Variants in PHF2 observed in about 807,000 individuals in gnomAD.
PHF2 encodes the protein PHD finger protein 2, also known as lysine-specific demethylase PHF2.
PHF2 carries 27 observed loss-of-function variants against 120.5 expected under a neutral mutation model. The observed-to-expected ratio is 0.22, with a 90% confidence interval of 0.17 to 0.31. The LOEUF (loss-of-function observed/expected upper bound fraction) is 0.31. Ranked by LOEUF, PHF2 falls within the 10% of genes least tolerant of loss-of-function variation. The pLI is 1.00. For synonymous variants in PHF2, 568 were observed against 592.5 expected (o/e 0.96, Z 0.60); for missense variants, 1,024 against 1,434.8 (o/e 0.71, Z 4.63).
chr9:93,659,578 C>T lies in PHF2; in HGVS notation c.1307C>T (p.Ala436Val). ...CCTTCACAGCTAATCAAAGACCTGG[C>T]CAAAGAGATCCGGCTCAGTGAGGTG... is the stretch of plus-strand genomic sequence containing the variant. ...FKPSQLIKDL[A>V]KEIRLSENAS... Residue 436 changes from alanine (A) to valine (V), a missense_variant, in exon 11 of 22, where the codon GCC becomes GTC. Coordinates refer to ENST00000359246, the MANE Select transcript of PHF2 (RefSeq NM_005392.4). 1.9e-6 allele frequency: 3 copies of T among 1,614,042 alleles called. No individual in the cohort carries two copies. The highest frequency in any genetic ancestry group is 2.5e-6 in the Non-Finnish European group (3 of 1,179,982).
chr9:93,606,370 C>T (rs1825543162), intron 1 of PHF2, among the ~76,000 whole-genome samples: 1 of 152,202 alleles, frequency 6.6e-6, no homozygotes, highest in Admixed American at 6.5e-5. Context: ...GCTCTACATC[C>T]TTGTCAGCAT....
intron 5 of PHF2, among the ~76,000 whole-genome samples, chr9:93,651,165 G>A (rs1206865651): frequency 2.0e-5 from 3 of 151,520 alleles, no homozygotes; most frequent in Non-Finnish European, 4.4e-5. Context: ...AAGACTAAAA[G>A]GGAAATGGAG....
chr9:93,621,212 A>AC (rs1226256847), intron 1 of PHF2, among the ~76,000 whole-genome samples: 3 of 152,068 alleles, frequency 2.0e-5, no homozygotes, highest in South Asian at 2.1e-4. Flanking sequence ...CCCAGTGGTC[A>AC]CCCCCCACAA....
intron 1 of PHF2, among the ~76,000 whole-genome samples, chr9:93,585,549 T>A (rs1863024582): frequency 6.6e-6 from 1 of 152,242 alleles, no homozygotes; most frequent in Non-Finnish European, 1.5e-5. Flanking sequence ...CCCTTGTTCA[T>A]TCTTGTTCCT....
At chr9:93,585,786 C>G (rs548640029) in intron 1 of PHF2, among the ~76,000 whole-genome samples, 1 of 152,344 alleles carries the variant, frequency 6.6e-6, no homozygotes, top group South Asian at 2.1e-4. Context: ...TTTACCCTTC[C>G]CCTTATAAAA....
intron 17 of PHF2, among the ~76,000 whole-genome samples, chr9:93,671,366 G>T (rs1198465223): frequency 7.3e-6 from 1 of 137,014 alleles, no homozygotes; most frequent in African/African-American, 2.7e-5. Flanking sequence ...GTAGATGCAG[G>T]TGTGGGTGTG....
chr9:93,658,536 G>A (rs545151715), intron 10 of PHF2, among the ~76,000 whole-genome samples: 2 of 152,294 alleles, frequency 1.3e-5, no homozygotes, highest in African/African-American at 4.8e-5. Context: ...TGGGAGGAGG[G>A]TGACCAGGTG....
chr9:93,669,585 G>GAT, intron 17 of PHF2, among the ~76,000 whole-genome samples: 1 of 152,362 alleles, frequency 6.6e-6, no homozygotes, highest in East Asian at 1.9e-4. Context: ...GTATGTCTCA[G>GAT]ACAGGGCCTG....
chr9:93,630,042 T>C lies in PHF2; in HGVS notation c.171T>C (p.His57=), dbSNP rs1369097715. 2 of 1,613,100 alleles carry C rather than the reference T, an allele frequency of 1.2e-6. No homozygotes were observed. The highest frequency in any genetic ancestry group is 1.7e-6 in the Non-Finnish European group (2 of 1,180,016). Residue 57 remains histidine, a synonymous_variant, in exon 2 of 22, where the codon CAT becomes CAC. Transcript: ENST00000359246. ...ACTGCCCAAACTGTGAGAAAACCCA[T>C]GGGAAGTCCACCTGTAAGTACCGCA... The part of the protein sequence containing the change: ...IYHCPNCEKT[H]GKSTLKKKRT...
rs750878432 is a variant in PHF2, at chr9:93,660,556, G to T, written c.1694G>T (p.Gly565Val). 6.1e-5 allele frequency: 95 copies of T among 1,557,650 alleles called. No homozygotes were observed. The highest frequency in any genetic ancestry group is 8.0e-5 in the Non-Finnish European group (92 of 1,156,882). ...ALTKMEPPKK[G>V]KATKSVLSVP... is the part of the protein sequence containing the mutation. Reference sequence around the variant, plus strand: ...ACCAAGATGGAGCCGCCCAAGAAGGGCAAGGTGGGACCCCCTCACCCTGAC... The same window carrying T: ...ACCAAGATGGAGCCGCCCAAGAAGGTCAAGGTGGGACCCCCTCACCCTGAC... Residue 565 changes from glycine (G) to valine (V), a missense_variant, in exon 12 of 22, where the codon GGC (glycine) becomes GTC (valine). Gly to Val is a moderately radical substitution (Grantham distance 109). Transcript: ENST00000359246.
chr9:93,649,315 C>T, intron 5 of PHF2, 103 bp downstream of exon 5: 1 of 809,606 alleles, frequency 1.2e-6, no homozygotes. Flanking sequence ...GTATCAGAGT[C>T]TGGAATACTG....
intron 1 of PHF2, among the ~76,000 whole-genome samples, chr9:93,618,510 A>G (rs1462931955): frequency 6.6e-6 from 1 of 152,260 alleles, no homozygotes; most frequent in African/African-American, 2.4e-5. Flanking sequence ...GCATGTGCAT[A>G]GATATGGACA....
At chr9:93,671,057 A>G (rs1037228784) in intron 17 of PHF2, 1 of 937,518 alleles carries the variant, frequency 1.1e-6, no homozygotes, top group Non-Finnish European at 1.2e-6. Context: ...GTGCAGGTGT[A>G]GATGCAGGTG....
rs776942242 is a variant in PHF2 at position 93,663,615 on chromosome 9, C to T, written c.1917C>T (p.Phe639=). 5 of 1,611,076 alleles carry T rather than the reference C, an allele frequency of 3.1e-6. No homozygotes were observed. Among genetic ancestry groups the T allele is most frequent in the South Asian group, 1.1e-5 (1 of 90,720 alleles). The change falls in exon 14 of 22, where the codon TTC becomes TTT. Residue 639 remains phenylalanine, a synonymous_variant. Transcript: ENST00000359246. ...AAGACAATAAGTTCTCTTTTTCTTT[C>T]TCCAACAAGAAACTCCTCGGGTATG... ...GNKDNKFSFS[F]SNKKLLGSKA... is the part of the protein sequence containing the mutation.
At chr9:93,609,619 TGAG>T (rs952478880) in intron 1 of PHF2, among the ~76,000 whole-genome samples, 28 of 152,288 alleles carry the variant, frequency 1.8e-4, no homozygotes, top group African/African-American at 6.5e-4. Context: ...GCATGACTTC[TGAG>T]GAGAAGTCCA....
At chr9:93,594,488 C>A (rs1334935638) in intron 1 of PHF2, among the ~76,000 whole-genome samples, 1 of 152,182 alleles carries the variant, frequency 6.6e-6, no homozygotes, top group Non-Finnish European at 1.5e-5. Context: ...AGCAGCAGGG[C>A]GTGTCACAGC....
At position 93,576,726 on chromosome 9, in the gene PHF2, A is replaced by C. The variant is rs1862823290; in HGVS notation, c.-48A>C. ...CCGGCCCCCGGCCCGGCCCGGACCG[A>C]CCCGGGCAGCGCAGCGGCGGGGCCG... On this transcript the variant is annotated 5_prime_UTR_variant, in exon 1 of 22. Transcript: ENST00000359246. The C allele has an allele frequency of 6.5e-6, 6 of 920,472 alleles. No homozygotes were observed. Among genetic ancestry groups the C allele is most frequent in the South Asian group, 2.4e-5 (1 of 41,714 alleles). The allele number at this position is 920,472 out of a possible 1,614,324, so 57.0% of individuals were successfully genotyped here.
At chr9:93,630,551 T>A (rs1258883221) in intron 2 of PHF2, among the ~76,000 whole-genome samples, 2 of 152,202 alleles carry the variant, frequency 1.3e-5, no homozygotes, top group Non-Finnish European at 2.9e-5. Context: ...CAGAGAATCT[T>A]GGAGGGCCCT....
chr9:93,607,764 G>A lies in PHF2; in HGVS notation c.99-22206G>A, dbSNP rs555334156. Among the ~76,000 whole-genome samples, 11 of 152,246 alleles carry A rather than the reference G, an allele frequency of 7.2e-5. No individual in the cohort carries two copies. In the East Asian group the frequency reaches 2.1e-3, roughly 29 times the overall value. ...TTATTTTGAATGTAAATGATACCAT[G>A]TTTTTAATTTCAAATTCCAAGTGTT... On this transcript the variant is annotated intron_variant, in intron 1 of 21. Coordinates refer to ENST00000359246, the MANE Select transcript of PHF2 (RefSeq NM_005392.4).
Sources: allele counts gnomAD v4.1 joint callset (sites outside exome capture counted in the v4.1 genomes callset), GRCh38; gene constraint gnomAD v4.1.1; transcripts MANE v1.5; gene names NCBI Gene and HGNC (gene_info 2026-07-23, HGNC 2026-07-21).